PTPRN2: variants seen among roughly 807,000 people sequenced by gnomAD.
The protein encoded by PTPRN2 is receptor-type tyrosine-protein phosphatase N2.
PTPRN2 carries 74 observed loss-of-function variants against 118.8 expected under a neutral mutation model. The observed-to-expected ratio is 0.62, with a 90% CI of 0.52 to 0.76. The LOEUF (loss-of-function observed/expected upper bound fraction) is 0.76. Ranked by LOEUF, PTPRN2 falls within the 30% of genes least tolerant of loss-of-function variation. PTPRN2 has a pLI of 0.00. For synonymous variants in PTPRN2, 641 were observed against 608.0 expected, an observed-to-expected ratio of 1.05 and a Z score of -0.80; for missense variants, 1,481 against 1,394.4, an observed-to-expected ratio of 1.06 and a Z score of -0.99.
chr7:157,962,058 G>A (rs1801580182), intron 11 of PTPRN2, among the ~76,000 whole-genome samples: 2 of 152,208 alleles, frequency 1.3e-5, no homozygotes, highest in South Asian at 2.1e-4. Flanking sequence ...CACAAGCGGC[G>A]CAGTCCCTAC....
chr7:158,537,746 C>A (rs1392511180), intron 1 of PTPRN2: 1 of 152,230 alleles, frequency 6.6e-6, no homozygotes, highest in African/African-American at 2.4e-5. Context: ...GCTGCAAACT[C>A]GATTCCTTGC....
At chr7:157,562,173 G>A (rs760365814) in intron 21 of PTPRN2, among the ~76,000 whole-genome samples, 4 of 152,174 alleles carry the variant, frequency 2.6e-5, no homozygotes, top group African/African-American at 7.2e-5. Context: ...GGGACAGCTC[G>A]CCCAGGGCTC....
At chr7:158,577,985 A>T (rs1043025646) in intron 1 of PTPRN2, among the ~76,000 whole-genome samples, 1 of 152,216 alleles carries the variant, frequency 6.6e-6, no homozygotes, top group Non-Finnish European at 1.5e-5. Flanking sequence ...CCTGCAGGCC[A>T]GAGGGCAAAG....
In PTPRN2 at chr7:158,587,676, G is replaced by T; in HGVS notation, c.-7C>A. On this transcript the variant is annotated 5_prime_UTR_variant, in exon 1 of 23. Transcript: ENST00000389418. Reference sequence around the variant, plus strand: ...GCGGGAGCGGCGGCCCCATCCCCGCGGCCTGGCCGGCGGCGCTCAGTCCAT... The same window carrying T: ...GCGGGAGCGGCGGCCCCATCCCCGCTGCCTGGCCGGCGGCGCTCAGTCCAT... 1 of 1,319,828 alleles carries T rather than the reference G, an allele frequency of 7.6e-7. No individual in the cohort carries two copies. The allele number at this position is 1,319,828 out of a possible 1,614,324, so 81.8% of individuals were successfully genotyped here.
intron 1 of PTPRN2, among the ~76,000 whole-genome samples, chr7:158,540,476 G>T (rs937709981): frequency 6.6e-6 from 1 of 152,052 alleles, no homozygotes; most frequent in Admixed American, 6.5e-5. Flanking sequence ...GTCTCGGGGG[G>T]CAATGAGGAG....
At chr7:158,280,481 C>A (rs1799347296) in intron 3 of PTPRN2, among the ~76,000 whole-genome samples, 1 of 152,210 alleles carries the variant, frequency 6.6e-6, no homozygotes, top group Non-Finnish European at 1.5e-5. Flanking sequence ...TGCACACAAA[C>A]CATCCTTCTG....
chr7:157,828,624 C>G (rs550527806), intron 12 of PTPRN2, among the ~76,000 whole-genome samples: 2 of 134,684 alleles, frequency 1.5e-5, no homozygotes, highest in African/African-American at 6.3e-5. Context: ...ACAGCAAGAC[C>G]CTGAGAGATG....
rs373991773 is a variant in PTPRN2, at chr7:158,336,633, C to T, written c.164-19701G>A. Among the ~76,000 whole-genome samples, 51 of 141,134 alleles carry T rather than the reference C, an allele frequency of 3.6e-4. 4 individuals are homozygous for T. Among genetic ancestry groups the T allele is most frequent in the East Asian group, 1.8e-3 (8 of 4,540 alleles). 92.6% of individuals were successfully genotyped at this position (141,134 alleles called of 152,430 possible). A position where few individuals can be genotyped will look rare whatever the true frequency, so the allele number is the denominator to read the frequency against. On this transcript the variant is annotated intron_variant, in intron 2 of 22. Transcript: ENST00000389418. Reference sequence around the variant, plus strand: ...CACCATAATTGGTGACACATGCAGACGTCACTCACACCCACACGTCACTCA... The same window carrying T: ...CACCATAATTGGTGACACATGCAGATGTCACTCACACCCACACGTCACTCA...
chr7:158,541,798 C>T (rs1825998056), intron 1 of PTPRN2: 1 of 948,152 alleles, frequency 1.1e-6, no homozygotes. Flanking sequence ...GAGAAGGGGC[C>T]AAGGCCGCTG....
At chr7:157,650,546 A>G (rs1288827081) in intron 14 of PTPRN2, among the ~76,000 whole-genome samples, 1 of 152,158 alleles carries the variant, frequency 6.6e-6, no homozygotes, top group Non-Finnish European at 1.5e-5. Context: ...CACCCGAGCC[A>G]GAGCGAGAAC....
At chr7:158,372,957 G>A (rs2074954765) in intron 2 of PTPRN2, among the ~76,000 whole-genome samples, 1 of 151,904 alleles carries the variant, frequency 6.6e-6, no homozygotes, top group African/African-American at 2.4e-5. Flanking sequence ...CTGCAATCTG[G>A]GGCCACCTGG....
At chr7:158,122,493 A>C (rs995234079) in intron 9 of PTPRN2, among the ~76,000 whole-genome samples, 1 of 152,136 alleles carries the variant, frequency 6.6e-6, no homozygotes, top group Non-Finnish European at 1.5e-5. Flanking sequence ...TGGACGCATG[A>C]GCAGAAAATG....
rs372220326 is a variant in PTPRN2 at position 158,198,939 on chromosome 7, C to A, written c.380+6232G>T. Among the ~76,000 whole-genome samples the A allele has an allele frequency of 2.1e-4, 29 of 138,802 alleles. No homozygotes were observed. The East Asian group carries it at 3.5e-3, about 17-fold the overall frequency. The allele number at this position is 138,802 out of a possible 152,430, so 91.1% of individuals were successfully genotyped here. On this transcript the variant is annotated intron_variant, in intron 4 of 22. Coordinates refer to ENST00000389418, the MANE Select transcript of PTPRN2 (RefSeq NM_002847.5). The stretch of plus-strand genomic sequence containing the variant: ...GCCCTTAGCATGTTCTTCTCAGGTT[C>A]TGGCTTCTCAGGTCCTCCTTAGCCC...
At chr7:158,484,371 T>C (rs1216257953) in intron 2 of PTPRN2, among the ~76,000 whole-genome samples, 2 of 151,966 alleles carry the variant, frequency 1.3e-5, no homozygotes, top group Admixed American at 6.6e-5. Flanking sequence ...TTTACTTATT[T>C]ATTTATTTAG....
intron 2 of PTPRN2, among the ~76,000 whole-genome samples, chr7:158,352,834 G>C (rs1411452189): frequency 6.6e-6 from 1 of 152,254 alleles, no homozygotes; most frequent in Non-Finnish European, 1.5e-5. Context: ...TTTTTCGAAT[G>C]GAGACATTAA....
chr7:158,420,891 G>A (rs972429235), intron 2 of PTPRN2, among the ~76,000 whole-genome samples: 5 of 152,212 alleles, frequency 3.3e-5, no homozygotes, highest in Non-Finnish European at 7.3e-5. Flanking sequence ...AGTTGCATGA[G>A]GGGCAGGTCA....
rs796569623 is a variant in PTPRN2, at chr7:158,290,856, T to C, written c.277+25963A>G. Among the ~76,000 whole-genome samples, 44 of 152,356 alleles carry C rather than the reference T, an allele frequency of 2.9e-4. 1 individual carries two copies. The highest frequency in any genetic ancestry group is 1.1e-3 in the African/African-American group (44 of 41,594). ...ACAGATAGATGTTCAAATTGTTGTTTCTGTGATGGATGAGCAATGGAGAGT... is the reference window on the plus strand; with the variant it reads ...ACAGATAGATGTTCAAATTGTTGTTCCTGTGATGGATGAGCAATGGAGAGT... On this transcript the variant is annotated intron_variant, in intron 3 of 22. Coordinates refer to ENST00000389418, the MANE Select transcript of PTPRN2 (RefSeq NM_002847.5).
At chr7:157,759,967 G>A (rs756456770) in intron 12 of PTPRN2, among the ~76,000 whole-genome samples, 4 of 152,270 alleles carry the variant, frequency 2.6e-5, no homozygotes, top group Middle Eastern at 3.4e-3. Flanking sequence ...GGAAGAGACC[G>A]GGCGGGCAAA....
intron 1 of PTPRN2, among the ~76,000 whole-genome samples, chr7:158,505,412 C>T (rs1586822444): frequency 6.6e-6 from 1 of 152,086 alleles, no homozygotes; most frequent in Non-Finnish European, 1.5e-5. Context: ...GGCTGGTTCC[C>T]AGGCCATTCC....
Sources: gnomAD v4.1 joint callset for allele counts (sites outside exome capture counted in the v4.1 genomes callset) on GRCh38, gnomAD v4.1.1 for gene constraint, MANE v1.5 for transcripts, NCBI Gene and HGNC (gene_info 2026-07-23, HGNC 2026-07-21) for gene names.